The following EPB41L2 variants were observed in gnomAD, a reference collection of about 807,000 sequenced individuals.
The protein encoded by EPB41L2 is erythrocyte membrane protein band 4.1 like 2.
A neutral mutation model predicts 113.0 loss-of-function variants in EPB41L2; 43 were observed. The observed-to-expected ratio is 0.38, with a 90% CI of 0.30 to 0.49. The LOEUF is 0.49. Among genes scored for constraint, EPB41L2 ranks in the 20% least tolerant of loss-of-function variants. EPB41L2 has a pLI of 0.95. For synonymous variants in EPB41L2, 442 were observed against 436.7 expected, an observed-to-expected ratio of 1.01 and a Z score of -0.15; for missense variants, 1,147 against 1,223.4, an observed-to-expected ratio of 0.94 and a Z score of 0.93.
rs757940112 is a variant in EPB41L2 at position 130,926,707 on chromosome 6, T to C, written c.708A>G (p.Lys236=). The C allele has an allele frequency of 2.5e-6, 4 of 1,587,836 alleles. No homozygotes were observed. Among genetic ancestry groups the C allele is most frequent in the East Asian group, 4.5e-5 (2 of 44,334 alleles). ...CAAATAACACTTGTCCCTTGGCATG[T>C]TTCTGGAGAAAAAATAATAACTTTA... is the stretch of plus-strand genomic sequence containing the variant. ...DGTEYSCDLE[K]HAKGQVLFDK... is the part of the protein sequence containing the mutation. The change falls in exon 4 of 20, where the codon AAA becomes AAG. Residue 236 remains lysine, a splice_region_variant and synonymous_variant. Transcript: ENST00000337057.
chr6:131,031,004 A>T (rs551611105), intron 1 of EPB41L2, among the ~76,000 whole-genome samples: 35 of 152,160 alleles, frequency 2.3e-4, no homozygotes, highest in Non-Finnish European at 3.5e-4. Flanking sequence ...AGGTGGGGGG[A>T]TCGCCTGAGC....
chr6:131,060,633 A>T (rs1798469804), intron 1 of EPB41L2, among the ~76,000 whole-genome samples: 1 of 152,120 alleles, frequency 6.6e-6, no homozygotes, highest in African/African-American at 2.4e-5. Flanking sequence ...TCAGCACAAA[A>T]CTCATTTGGA....
At chr6:131,061,539 C>T (rs1798658961) in intron 1 of EPB41L2, among the ~76,000 whole-genome samples, 1 of 152,124 alleles carries the variant, frequency 6.6e-6, no homozygotes, top group South Asian at 2.1e-4. Flanking sequence ...TGCAATGCAG[C>T]CCCCATCAGT....
intron 19 of EPB41L2, among the ~76,000 whole-genome samples, chr6:130,854,374 T>A (rs1468460537): frequency 6.6e-6 from 1 of 152,086 alleles, no homozygotes; most frequent in East Asian, 1.9e-4. Context: ...TCTAGTTTGT[T>A]CACCTTATAT....
At chr6:130,894,303 T>C (rs754352340) in intron 10 of EPB41L2, 41 bp downstream of exon 10, 2 of 1,504,248 alleles carry the variant, frequency 1.3e-6, no homozygotes, top group Admixed American at 3.3e-5. Context: ...TACAGGCATG[T>C]GCGATCATGC....
chr6:130,872,672 T>C, intron 14 of EPB41L2: 30 of 502,116 alleles, frequency 6.0e-5, no homozygotes, highest in Non-Finnish European at 7.8e-5. Flanking sequence ...AAGATGAGAA[T>C]TCTGACAGAT....
At chr6:130,861,076 A>C (rs562593526) in intron 18 of EPB41L2, among the ~76,000 whole-genome samples, 1 of 151,366 alleles carries the variant, frequency 6.6e-6, no homozygotes. Context: ...TTTTATTTTT[A>C]ATTTTTTTAA....
intron 1 of EPB41L2, chr6:131,013,535 C>A (rs1352542951): frequency 1.3e-5 from 2 of 152,040 alleles, no homozygotes; most frequent in Admixed American, 1.3e-4. Flanking sequence ...GCCTAATAAT[C>A]AAGTAGAAAA....
At chr6:130,902,406 C>CTGTTTA (rs1225940583) in intron 6 of EPB41L2, among the ~76,000 whole-genome samples, 3 of 152,218 alleles carry the variant, frequency 2.0e-5, no homozygotes, top group African/African-American at 7.2e-5. Context: ...GGCGGGGACT[C>CTGTTTA]TGTTTATCAT....
chr6:130,892,400 T>C (rs959276142), intron 10 of EPB41L2, among the ~76,000 whole-genome samples: 1 of 128,326 alleles, frequency 7.8e-6, no homozygotes, highest in Admixed American at 8.7e-5. Context: ...GAACAGATTA[T>C]TGCTTTTTTT....
intron 1 of EPB41L2, among the ~76,000 whole-genome samples, chr6:131,031,089 C>T (rs1490257663): frequency 6.7e-6 from 1 of 150,322 alleles, no homozygotes; most frequent in African/African-American, 2.5e-5. Context: ...GAGAGCCTGT[C>T]TAAAAAAAAA....
chr6:131,037,203 C>T (rs1793505007), intron 1 of EPB41L2, among the ~76,000 whole-genome samples: 1 of 152,162 alleles, frequency 6.6e-6, no homozygotes, highest in Admixed American at 6.5e-5. Flanking sequence ...CAAGCATCTA[C>T]AGAACGCTAA....
chr6:130,923,002 A>G (rs1487633974), intron 4 of EPB41L2, among the ~76,000 whole-genome samples: 5 of 152,174 alleles, frequency 3.3e-5, no homozygotes, highest in Non-Finnish European at 4.4e-5. Flanking sequence ...CTAAAACTCA[A>G]TATGTCAGAA....
At chr6:131,026,019 T>C (rs1256200772) in intron 1 of EPB41L2, among the ~76,000 whole-genome samples, 1 of 152,174 alleles carries the variant, frequency 6.6e-6, no homozygotes, top group African/African-American at 2.4e-5. Flanking sequence ...GATACTATGA[T>C]TGAAATTATT....
At chr6:130,931,052 G>C (rs887614246) in intron 3 of EPB41L2, among the ~76,000 whole-genome samples, 1 of 151,954 alleles carries the variant, frequency 6.6e-6, no homozygotes, top group Non-Finnish European at 1.5e-5. Context: ...ACAAAGGGAA[G>C]GACAATATGA....
chr6:131,006,085 TTC>T (rs1211262870), intron 1 of EPB41L2, among the ~76,000 whole-genome samples: 2 of 152,050 alleles, frequency 1.3e-5, no homozygotes, highest in African/African-American at 4.8e-5. Flanking sequence ...GAGATGGAGT[TTC>T]GCTCTGTCAA....
At chr6:130,908,608 T>A (rs1798412063) in intron 5 of EPB41L2, among the ~76,000 whole-genome samples, 1 of 152,206 alleles carries the variant, frequency 6.6e-6, no homozygotes, top group Admixed American at 6.5e-5. Context: ...TCTGAGTGAA[T>A]ATTTAGGAAT....
intron 17 of EPB41L2, among the ~76,000 whole-genome samples, chr6:130,864,437 A>C (rs1783074422): frequency 6.6e-6 from 1 of 152,196 alleles, no homozygotes; most frequent in Non-Finnish European, 1.5e-5. Context: ...ATGGCTAGAC[A>C]AAGGCTGCGA....
At chr6:130,872,433 C>T in intron 14 of EPB41L2, 1 of 1,289,392 alleles carries the variant, frequency 7.8e-7, no homozygotes, top group Non-Finnish European at 1.0e-6. Flanking sequence ...GCGCTCACAA[C>T]AGCGCCCTCT....
Sources: gnomAD v4.1 joint callset for allele counts (sites outside exome capture counted in the v4.1 genomes callset) on GRCh38, gnomAD v4.1.1 for gene constraint, MANE v1.5 for transcripts, NCBI Gene and HGNC (gene_info 2026-07-23, HGNC 2026-07-21) for gene names.